MRPS25: variants seen among roughly 807,000 people sequenced by gnomAD.
The protein encoded by MRPS25 is small ribosomal subunit protein mS25.
MRPS25 carries 15 observed loss-of-function variants against 17.3 expected under a neutral mutation model. That is an observed-to-expected ratio of 0.87 (90% CI 0.58 to 1.34). MRPS25 has a LOEUF of 1.34. Among genes scored for constraint, MRPS25 ranks in the 40% most tolerant of loss-of-function variants. The pLI is 0.00. For synonymous variants in MRPS25, 94 were observed against 83.3 expected, an observed-to-expected ratio of 1.13 and a Z score of -0.70; for missense variants, 225 against 218.6, an observed-to-expected ratio of 1.03 and a Z score of -0.19.
chr3:15,063,155 G>A (rs577356422), intron 1 of MRPS25, among the ~76,000 whole-genome samples: 5 of 152,154 alleles, frequency 3.3e-5, no homozygotes, highest in Admixed American at 2.6e-4. Flanking sequence ...CCAGAAGGTG[G>A]GGTTTTACAA....
intron 1 of MRPS25, among the ~76,000 whole-genome samples, chr3:15,062,589 C>G (rs1469255966): frequency 3.3e-5 from 5 of 151,896 alleles, no homozygotes. Flanking sequence ...TCATTGAGAA[C>G]GGGCCATGAT....
At chr3:15,063,975 A>G (rs1439857311) in intron 1 of MRPS25, among the ~76,000 whole-genome samples, 2 of 152,204 alleles carry the variant, frequency 1.3e-5, no homozygotes, top group African/African-American at 4.8e-5. Flanking sequence ...AAGCCAGCTG[A>G]TTCCAGGCAA....
Position 15,050,085 on chromosome 3 carries a change from T to C in MRPS25, c.*2356A>G. Reference sequence around the variant, plus strand: ...CTGTATATTTTAAACCCATCTTTCATCACTACTAAACAAAATAGGGAAAGA... The same window carrying C: ...CTGTATATTTTAAACCCATCTTTCACCACTACTAAACAAAATAGGGAAAGA... On this transcript the variant is annotated 3_prime_UTR_variant, in exon 4 of 4. Transcript: ENST00000253686. The C allele has an allele frequency of 6.3e-6, 9 of 1,421,470 alleles. No individual in the cohort carries two copies. The highest frequency in any genetic ancestry group is 7.3e-6 in the Non-Finnish European group (8 of 1,102,438). The allele number at this position is 1,421,470 out of a possible 1,614,324, so 88.1% of individuals were successfully genotyped here. A position where few individuals can be genotyped will look rare whatever the true frequency, so the allele number is the denominator to read the frequency against.
chr3:15,051,937 G>A lies in MRPS25; in HGVS notation c.*504C>T. 12 of 985,868 alleles carry A rather than the reference G, an allele frequency of 1.2e-5. No homozygotes were observed. The highest frequency in any genetic ancestry group is 1.4e-5 in the Non-Finnish European group (12 of 830,284). 61.1% of individuals were successfully genotyped at this position (985,868 alleles called of 1,614,324 possible). On this transcript the variant is annotated 3_prime_UTR_variant, in exon 4 of 4. Coordinates refer to ENST00000253686, the MANE Select transcript of MRPS25 (RefSeq NM_022497.5). ...TTAAAAAAGTGAGCACTGCACGAAG[G>A]GTTGCCTTTGGATTTCTGAAAAATA...
intron 1 of MRPS25, among the ~76,000 whole-genome samples, chr3:15,064,508 T>C (rs1395922370): frequency 6.6e-5 from 10 of 152,260 alleles, no homozygotes; most frequent in Non-Finnish European, 4.4e-5. Context: ...GCTGGCATGG[T>C]GTCTCGTGGA....
downstream of MRPS25, chr3:15,042,323 T>C (rs2042298914): frequency 6.6e-6 from 1 of 152,260 alleles, no homozygotes; most frequent in African/African-American, 2.4e-5. Context: ...TAAGAAAAAA[T>C]CACCTCAAAT....
chr3:15,056,292 G>T (rs1041735169), intron 2 of MRPS25, among the ~76,000 whole-genome samples: 1 of 152,122 alleles, frequency 6.6e-6, no homozygotes, highest in Non-Finnish European at 1.5e-5. Flanking sequence ...AAGATACTTG[G>T]GGGAAATGCA....
At position 15,061,898 on chromosome 3, in the gene MRPS25, G is replaced by A. The variant is rs563858079; in HGVS notation, c.135-2423C>T. Among the ~76,000 whole-genome samples, 67 of 150,106 alleles carry A rather than the reference G, an allele frequency of 4.5e-4. No individual in the cohort carries two copies. The East Asian group carries it at 9.6e-3, about 22-fold the overall frequency. On this transcript the variant is annotated intron_variant, in intron 1 of 3. Coordinates refer to ENST00000253686, the MANE Select transcript of MRPS25 (RefSeq NM_022497.5). ...TGAGAAGGGAGGAGACCCTCCGCCCGGCAGCCGCCCTGTCTGAGAAGTGAG... is the reference window on the plus strand; with the variant it reads ...TGAGAAGGGAGGAGACCCTCCGCCCAGCAGCCGCCCTGTCTGAGAAGTGAG...
Position 15,049,478 on chromosome 3 carries a change from T to A in MRPS25, c.*2963A>T. 1 of 215,982 alleles carries A rather than the reference T, an allele frequency of 4.6e-6. No homozygotes were observed. Among genetic ancestry groups the A allele is most frequent in the Non-Finnish European group, 9.1e-6 (1 of 110,338 alleles). The allele number at this position is 215,982 out of a possible 1,614,324, so 13.4% of individuals were successfully genotyped here. ...TATTAATACCTTTAGTGGGAAACCC[T>A]GGCAGGACAGTCTTTACATCCACCC... On this transcript the variant is annotated 3_prime_UTR_variant, in exon 4 of 4. Transcript: ENST00000253686.
intron 2 of MRPS25, 135 bp from the exon 3 acceptor site, chr3:15,053,602 C>T (rs1241466294): frequency 1.0e-6 from 1 of 955,600 alleles, no homozygotes; most frequent in Admixed American, 2.0e-5. Flanking sequence ...TTTACATAAT[C>T]TGTAATACTA....
chr3:15,051,613 G>A lies in MRPS25; in HGVS notation c.*828C>T. 7.1e-6 allele frequency: 7 copies of A among 985,542 alleles called. No individual in the cohort carries two copies. The highest frequency in any genetic ancestry group is 8.4e-6 in the Non-Finnish European group (7 of 829,988). The allele number at this position is 985,542 out of a possible 1,614,324, so 61.0% of individuals were successfully genotyped here. A position where few individuals can be genotyped will look rare whatever the true frequency, so the allele number is the denominator to read the frequency against. ...GAGGAAAGAACAAGGAAGGTGCTCAGTAATGCAGCACTCCCTCCTCCAGAG... is the reference window on the plus strand; with the variant it reads ...GAGGAAAGAACAAGGAAGGTGCTCAATAATGCAGCACTCCCTCCTCCAGAG... On this transcript the variant is annotated 3_prime_UTR_variant, in exon 4 of 4. Coordinates refer to ENST00000253686, the MANE Select transcript of MRPS25 (RefSeq NM_022497.5).
chr3:15,059,456 T>C lies in MRPS25; in HGVS notation c.154A>G (p.Ile52Val), dbSNP rs2042719103. Reference sequence around the variant, plus strand: ...GGGTTTTTGTATTGAATCTGAGGTATGTTGAAAAACACAAACTTCCTGCAA... The same window carrying C: ...GGGTTTTTGTATTGAATCTGAGGTACGTTGAAAAACACAAACTTCCTGCAA... The part of the protein sequence containing the change: ...EGARKFVFFN[I>V]PQIQYKNPWV... The change falls in exon 2 of 4, where the codon ATA becomes GTA. Residue 52 changes from isoleucine to valine, a missense_variant. Transcript: ENST00000253686. 8 of 1,613,130 alleles carry C rather than the reference T, an allele frequency of 5.0e-6. No individual in the cohort carries two copies. In the East Asian group the frequency reaches 1.6e-4, roughly 31 times the overall value.
At chr3:15,042,975 G>C (rs1195243557), downstream of MRPS25, 1 of 1,614,062 alleles carries the variant, frequency 6.2e-7, no homozygotes, top group Non-Finnish European at 8.5e-7. Flanking sequence ...AGACAGCAGA[G>C]TATAATGGCC....
downstream of MRPS25, chr3:15,047,715 C>T (rs982561275): frequency 6.6e-6 from 1 of 152,188 alleles, no homozygotes; most frequent in African/African-American, 2.4e-5. Context: ...AATAAACAAC[C>T]TACCAAGTAT....
At chr3:15,047,608 A>G (rs1254617505), downstream of MRPS25, 2 of 152,238 alleles carry the variant, frequency 1.3e-5, no homozygotes, top group Admixed American at 1.3e-4. Flanking sequence ...AGATGGTAGC[A>G]ATTTCCCAGG....
chr3:15,047,036 G>A (rs2042479886), downstream of MRPS25: 1 of 152,646 alleles, frequency 6.6e-6, no homozygotes, highest in African/African-American at 2.4e-5. Context: ...CAGGTTTCTA[G>A]GCTGTAAGAC....
At chr3:15,052,714 C>G in intron 3 of MRPS25, 81 bp from the exon 4 acceptor site, 1 of 1,411,524 alleles carries the variant, frequency 7.1e-7, no homozygotes, top group Non-Finnish European at 9.8e-7. Flanking sequence ...CGAGACAACC[C>G]CACCATCCAC....
intron 1 of MRPS25, among the ~76,000 whole-genome samples, 153 bp from the exon 2 acceptor site, chr3:15,059,628 A>T (rs1227804617): frequency 1.3e-5 from 2 of 152,174 alleles, no homozygotes. Flanking sequence ...TCCTCTTAGA[A>T]GATTCCCTGA....
intron 1 of MRPS25, among the ~76,000 whole-genome samples, chr3:15,061,237 CT>C (rs1465550242): frequency 6.6e-6 from 1 of 152,112 alleles, no homozygotes; most frequent in Non-Finnish European, 1.5e-5. Context: ...CTCCCTCTCC[CT>C]CTTTCCACGG....
Sources: allele counts gnomAD v4.1 joint callset (sites outside exome capture counted in the v4.1 genomes callset), GRCh38; gene constraint gnomAD v4.1.1; transcripts MANE v1.5; gene names NCBI Gene and HGNC (gene_info 2026-07-23, HGNC 2026-07-21).